PARD3: variants seen among roughly 807,000 people sequenced by gnomAD.
PARD3 encodes the protein partitioning defective 3 homolog.
A neutral mutation model predicts 155.4 loss-of-function variants in PARD3; 75 were observed. That is an observed-to-expected ratio of 0.48 (90% CI 0.40 to 0.58). PARD3 has a LOEUF of 0.58. Ranked by LOEUF, PARD3 falls within the 20% of genes least tolerant of loss-of-function variation. The probability of loss-of-function intolerance (pLI) is 0.00; values close to 1 mark genes in which losing one functional copy is unlikely to be tolerated. For missense variants in PARD3, 1,642 were observed against 1,721.7 expected (o/e 0.95, Z 0.82); for synonymous variants, 576 against 610.5 (o/e 0.94, Z 0.83).
chr10:34,348,221 A>T (rs1589256888), intron 14 of PARD3, 106 bp from the exon 15 acceptor site: 4 of 917,724 alleles, frequency 4.4e-6, no homozygotes, highest in Non-Finnish European at 6.3e-6. Context: ...CCAACTGGGT[A>T]CCAAATGAAC....
intron 2 of PARD3, among the ~76,000 whole-genome samples, chr10:34,530,074 C>T (rs986141218): frequency 6.6e-6 from 1 of 152,074 alleles, no homozygotes; most frequent in African/African-American, 2.4e-5. Flanking sequence ...AGTGGACCAT[C>T]ATAAAGGTCT....
intron 22 of PARD3, among the ~76,000 whole-genome samples, chr10:34,239,757 C>T (rs7922988): frequency 0.12 from 18,677 of 149,800 alleles, 3,390 homozygotes; most frequent in African/African-American, 0.4. Flanking sequence ...GAGCCAATAA[C>T]GCGCCATTGC....
At chr10:34,359,015 A>C in intron 14 of PARD3, 132 bp downstream of exon 14, 1 of 626,668 alleles carries the variant, frequency 1.6e-6, no homozygotes, top group Non-Finnish European at 2.7e-6. Context: ...AAATAATAAA[A>C]CTACAATAAG....
At chr10:34,519,171 T>C (rs1173559147) in intron 2 of PARD3, among the ~76,000 whole-genome samples, 5 of 151,422 alleles carry the variant, frequency 3.3e-5, no homozygotes, top group Admixed American at 2.0e-4. Flanking sequence ...ATTGGAGGAG[T>C]CTGAGGAAGA....
chr10:34,689,297 G>A (rs117775373), intron 2 of PARD3, among the ~76,000 whole-genome samples: 17 of 152,164 alleles, frequency 1.1e-4, no homozygotes, highest in African/African-American at 3.4e-4. Flanking sequence ...TGCATCACAC[G>A]ATCCCTCAGT....
At chr10:34,635,555 C>T (rs1243228444) in intron 2 of PARD3, among the ~76,000 whole-genome samples, 2 of 152,180 alleles carry the variant, frequency 1.3e-5, no homozygotes, top group Non-Finnish European at 2.9e-5. Flanking sequence ...GAACAGCACC[C>T]AGTACGACTC....
intron 20 of PARD3, among the ~76,000 whole-genome samples, chr10:34,287,972 A>G (rs1055623046): frequency 2.6e-5 from 4 of 152,110 alleles, no homozygotes; most frequent in African/African-American, 7.2e-5. Flanking sequence ...GCATTTTGGG[A>G]GGTCGCCGTG....
At chr10:34,579,578 G>GTT (rs1554775658) in intron 2 of PARD3, among the ~76,000 whole-genome samples, 2 of 151,620 alleles carry the variant, frequency 1.3e-5, no homozygotes, top group East Asian at 3.9e-4. Flanking sequence ...GTGTGTGTGT[G>GTT]TGTGTGTGTG....
chr10:34,771,398 A>G (rs570638794), intron 1 of PARD3, among the ~76,000 whole-genome samples: 1 of 152,306 alleles, frequency 6.6e-6, no homozygotes, highest in African/African-American at 2.4e-5. Context: ...AAGGGGTCCC[A>G]CGTGTAGCAT....
chr10:34,271,319 A>T (rs1343421145), intron 21 of PARD3, among the ~76,000 whole-genome samples: 1 of 152,168 alleles, frequency 6.6e-6, no homozygotes, highest in Non-Finnish European at 1.5e-5. Flanking sequence ...AATATTAGTA[A>T]ATGAAATTCA....
chr10:34,726,702 A>G (rs780496059), intron 1 of PARD3, among the ~76,000 whole-genome samples: 8 of 151,898 alleles, frequency 5.3e-5, no homozygotes, highest in Non-Finnish European at 1.2e-4. Context: ...GGTGGAGGCT[A>G]CAGTGAACTG....
intron 1 of PARD3, among the ~76,000 whole-genome samples, chr10:34,784,466 G>A (rs1840691608): frequency 6.6e-6 from 1 of 150,616 alleles, no homozygotes; most frequent in Admixed American, 6.6e-5. Flanking sequence ...TGGAGACGGA[G>A]TCTCACTCTG....
At position 34,269,900 on chromosome 10, in the gene PARD3, C is replaced by T. The variant is rs959223574; in HGVS notation, c.3177-1G>A. On this transcript the variant is annotated splice_acceptor_variant, in intron 21 of 24. Transcript: ENST00000374788. LOFTEE classifies it high-confidence loss of function. ...AAATTCTCGAGTTTTGGCTTGAATC[C>T]TATGAAATCAGAACAAAGTTGAAAT... 1.2e-6 allele frequency: 2 copies of T among 1,612,938 alleles called. No individual in the cohort carries two copies. Among genetic ancestry groups the T allele is most frequent in the African/African-American group, 2.7e-5 (2 of 74,856 alleles).
intron 2 of PARD3, among the ~76,000 whole-genome samples, chr10:34,600,890 G>T (rs890472511): frequency 3.3e-5 from 5 of 151,010 alleles, no homozygotes; most frequent in African/African-American, 1.2e-4. Context: ...AAGCTCAAGT[G>T]ATAATTCCCA....
At chr10:34,714,868 G>A (rs570762798) in intron 1 of PARD3, among the ~76,000 whole-genome samples, 7 of 150,472 alleles carry the variant, frequency 4.7e-5, no homozygotes, top group South Asian at 4.2e-4. Context: ...TCCGCCTCCC[G>A]AGTTCAAGTG....
At chr10:34,362,486 A>C (rs1449614382) in intron 12 of PARD3, among the ~76,000 whole-genome samples, 3 of 152,176 alleles carry the variant, frequency 2.0e-5, no homozygotes, top group Non-Finnish European at 4.4e-5. Flanking sequence ...ATGTAGCTCA[A>C]AACAAGTGTT....
At chr10:34,574,456 C>T (rs561577436) in intron 2 of PARD3, among the ~76,000 whole-genome samples, 2 of 152,322 alleles carry the variant, frequency 1.3e-5, no homozygotes, top group South Asian at 4.1e-4. Flanking sequence ...AGTGCTCCTG[C>T]TACCAAGAGG....
At chr10:34,769,949 C>T (rs9418116) in intron 1 of PARD3, among the ~76,000 whole-genome samples, 2 of 151,854 alleles carry the variant, frequency 1.3e-5, no homozygotes, top group Admixed American at 6.6e-5. Context: ...GTGGGGTTCC[C>T]CTTCTCTAGT....
chr10:34,789,370 T>C (rs1841379718), intron 1 of PARD3, among the ~76,000 whole-genome samples: 1 of 152,194 alleles, frequency 6.6e-6, no homozygotes, highest in South Asian at 2.1e-4. Flanking sequence ...TAGGAACAAC[T>C]GTGTATGCAT....
Sources: gnomAD v4.1 joint callset for allele counts (sites outside exome capture counted in the v4.1 genomes callset) on GRCh38, gnomAD v4.1.1 for gene constraint, MANE v1.5 for transcripts, NCBI Gene and HGNC (gene_info 2026-07-23, HGNC 2026-07-21) for gene names.